CSMD1: variants seen among roughly 807,000 people sequenced by gnomAD.
CSMD1 encodes CUB and sushi domain-containing protein 1.
A neutral mutation model predicts 417.5 loss-of-function variants in CSMD1; 213 were observed. The ratio of observed to expected loss-of-function variants is 0.51; its 90% CI spans 0.46 to 0.57. CSMD1 has a LOEUF of 0.57. Ranked by LOEUF, CSMD1 falls within the 20% of genes least tolerant of loss-of-function variation. CSMD1 has a pLI of 0.00. For synonymous variants in CSMD1, 2,862 were observed against 1,736.8 expected (o/e 1.65, Z -16.11); for missense variants, 6,923 against 4,529.7 (o/e 1.53, Z -15.17).
In CSMD1 at chr8:3,662,026, T is replaced by A. The variant is rs193084489; in HGVS notation, c.1010-45229A>T. 1.2e-3 allele frequency among the ~76,000 whole-genome samples: 177 copies of A among 152,290 alleles called. 1 individual carries two copies. Among genetic ancestry groups the A allele is most frequent in the South Asian group, 3.7e-3 (18 of 4,826 alleles). ...CTTGATGGAAGAAGCGGGGGATTTT[T>A]ACTCGAAGTCGTAGAAAACATGAAA... On this transcript the variant is annotated intron_variant, in intron 7 of 69. Coordinates refer to ENST00000635120, the MANE Select transcript of CSMD1 (RefSeq NM_033225.6).
At chr8:4,549,318 T>C (rs770888454) in intron 2 of CSMD1, among the ~76,000 whole-genome samples, 2 of 152,164 alleles carry the variant, frequency 1.3e-5, no homozygotes, top group Non-Finnish European at 2.9e-5. Flanking sequence ...AGGAAAAGGG[T>C]AAAAGAAATT....
intron 6 of CSMD1, among the ~76,000 whole-genome samples, chr8:3,746,803 GAAAC>G (rs1797085583): frequency 6.6e-6 from 1 of 152,070 alleles, no homozygotes; most frequent in African/African-American, 2.4e-5. Flanking sequence ...TATACCGAGA[GAAAC>G]AAAATAATCA....
chr8:3,945,953 C>T (rs1230517986), intron 5 of CSMD1, among the ~76,000 whole-genome samples: 1 of 152,124 alleles, frequency 6.6e-6, no homozygotes, highest in Non-Finnish European at 1.5e-5. Context: ...TTACTAATAA[C>T]TTAAATTTAT....
chr8:3,982,909 T>G (rs896223768), intron 5 of CSMD1, among the ~76,000 whole-genome samples: 3 of 151,986 alleles, frequency 2.0e-5, no homozygotes, highest in African/African-American at 4.8e-5. Flanking sequence ...TACAATAACT[T>G]TGAAAAATAG....
At chr8:4,192,116 T>C (rs940575753) in intron 3 of CSMD1, among the ~76,000 whole-genome samples, 3 of 152,162 alleles carry the variant, frequency 2.0e-5, no homozygotes, top group Non-Finnish European at 2.9e-5. Context: ...AGAAGGATCA[T>C]CTGCATTGCA....
At chr8:3,443,340 G>GAGAGAA (rs1815109116) in intron 12 of CSMD1, among the ~76,000 whole-genome samples, 1 of 150,114 alleles carries the variant, frequency 6.7e-6, no homozygotes, top group African/African-American at 2.5e-5. Context: ...AGAGGAGAGA[G>GAGAGAA]AGAGAAAGAG....
chr8:4,090,032 G>C (rs556583086), intron 3 of CSMD1, among the ~76,000 whole-genome samples: 3 of 152,266 alleles, frequency 2.0e-5, no homozygotes, highest in East Asian at 3.9e-4. Context: ...AATTATATTT[G>C]ATATTGATTT....
intron 2 of CSMD1, among the ~76,000 whole-genome samples, chr8:4,527,200 A>G (rs762252315): frequency 9.9e-5 from 15 of 152,150 alleles, no homozygotes; most frequent in Non-Finnish European, 2.1e-4. Flanking sequence ...CCCAAATCAG[A>G]TTTAGTTGTT....
Position 4,889,914 on chromosome 8 carries a change from GT to G in CSMD1, c.85+104417del, listed in dbSNP as rs142527560. ...GCAATTTGTCCAGTTCACAGAGCCA[GT>G]TTTGGAATGTGGTCCTCTTTACAGC... On this transcript the variant is annotated intron_variant, in intron 1 of 69. Coordinates refer to ENST00000635120, the MANE Select transcript of CSMD1 (RefSeq NM_033225.6). Among the ~76,000 whole-genome samples the G allele has an allele frequency of 5.5e-3, 836 of 152,206 alleles. 14 individuals carry two copies. The highest frequency in any genetic ancestry group is 0.019 in the African/African-American group (781 of 41,508).
intron 5 of CSMD1, among the ~76,000 whole-genome samples, chr8:3,946,402 G>A (rs1162160264): frequency 6.6e-6 from 1 of 152,012 alleles, no homozygotes; most frequent in East Asian, 1.9e-4. Context: ...CTATACCATT[G>A]AGCAATCCCG....
intron 5 of CSMD1, among the ~76,000 whole-genome samples, chr8:3,863,888 T>C (rs551346251): frequency 1.4e-4 from 22 of 152,294 alleles, no homozygotes; most frequent in African/African-American, 5.3e-4. Flanking sequence ...ATTCGTATGA[T>C]GACTATAAAA....
chr8:3,438,636 CTGTT>C (rs917295043), intron 12 of CSMD1, among the ~76,000 whole-genome samples: 1 of 152,118 alleles, frequency 6.6e-6, no homozygotes, highest in African/African-American at 2.4e-5. Flanking sequence ...ATTTGTTTAA[CTGTT>C]TGCATCTTCA....
At chr8:3,268,442 C>T (rs1167618593) in intron 26 of CSMD1, among the ~76,000 whole-genome samples, 1 of 151,852 alleles carries the variant, frequency 6.6e-6, no homozygotes, top group Non-Finnish European at 1.5e-5. Context: ...GTGCCCGCCA[C>T]CACGCCCAGC....
intron 3 of CSMD1, among the ~76,000 whole-genome samples, chr8:4,316,014 C>T (rs888990808): frequency 2.6e-5 from 4 of 151,928 alleles, no homozygotes; most frequent in East Asian, 1.9e-4. Context: ...TTTAAATATT[C>T]AGGCATTATT....
chr8:3,384,802 T>TAA (rs1810886420), intron 18 of CSMD1, among the ~76,000 whole-genome samples: 1 of 122,598 alleles, frequency 8.2e-6, no homozygotes, highest in African/African-American at 3.2e-5. Context: ...ATATATGCTA[T>TAA]TTATATATAA....
At chr8:4,204,245 C>G (rs571788114) in intron 3 of CSMD1, among the ~76,000 whole-genome samples, 1 of 151,894 alleles carries the variant, frequency 6.6e-6, no homozygotes, top group Admixed American at 6.6e-5. Context: ...TTTTCTAATA[C>G]CCATTTATGC....
In CSMD1 at chr8:4,293,335, T is replaced by G. The variant is rs570901455; in HGVS notation, c.415+126618A>C. Among the ~76,000 whole-genome samples, 27 of 152,310 alleles carry G rather than the reference T, an allele frequency of 1.8e-4. No individual in the cohort carries two copies. In the South Asian group the frequency reaches 5.6e-3, roughly 32 times the overall value. On this transcript the variant is annotated intron_variant, in intron 3 of 69. Transcript: ENST00000635120. ...AAACTGACGATGCTGAAATTACTTG[T>G]GCAAATATTAATATCTTACTAGTAA...
At chr8:4,783,369 G>A (rs1241334264) in intron 1 of CSMD1, among the ~76,000 whole-genome samples, 1 of 152,194 alleles carries the variant, frequency 6.6e-6, no homozygotes, top group Non-Finnish European at 1.5e-5. Context: ...GGCTGGGAGA[G>A]AGCTGTACAG....
Position 3,189,717 on chromosome 8 carries a change from G to C in CSMD1, c.5398+195C>G, listed in dbSNP as rs771423159. Among the ~76,000 whole-genome samples, 12 of 151,616 alleles carry C rather than the reference G, an allele frequency of 7.9e-5. No homozygotes were observed. The Admixed American group carries it at 7.9e-4, about 10-fold the overall frequency. ...GGGAAACATGCTTTATCCTTGTTAA[G>C]ATGATGAGTTGTTTTATGAAACACA... On this transcript the variant is annotated intron_variant, in intron 34 of 69. Coordinates refer to ENST00000635120, the MANE Select transcript of CSMD1 (RefSeq NM_033225.6).
Sources: allele counts gnomAD v4.1 joint callset (sites outside exome capture counted in the v4.1 genomes callset), GRCh38; gene constraint gnomAD v4.1.1; transcripts MANE v1.5; gene names NCBI Gene and HGNC (gene_info 2026-07-23, HGNC 2026-07-21).